The following QRSL1 variants were observed in gnomAD, a reference collection of about 807,000 sequenced individuals.
QRSL1 encodes glutaminyl-tRNA amidotransferase subunit QRSL1, also known as glutamyl-tRNA(Gln) amidotransferase subunit A, mitochondrial.
QRSL1 carries 54 observed loss-of-function variants against 61.6 expected under a neutral mutation model. The observed-to-expected ratio is 0.88, with a 90% CI of 0.70 to 1.10. The LOEUF is 1.10. QRSL1 is among the 50% of genes least tolerant of loss of function. The probability of loss-of-function intolerance (pLI) is 0.00; values close to 1 mark genes in which losing one functional copy is unlikely to be tolerated. For synonymous variants in QRSL1, 228 were observed against 225.7 expected, an observed-to-expected ratio of 1.01 and a Z score of -0.09; for missense variants, 505 against 622.6, an observed-to-expected ratio of 0.81 and a Z score of 2.01.
intron 5 of QRSL1, among the ~76,000 whole-genome samples, chr6:106,651,627 G>T (rs758572294): frequency 2.0e-5 from 3 of 152,208 alleles, no homozygotes; most frequent in African/African-American, 7.2e-5. Context: ...TAGAAACAAC[G>T]TAAGAGTTTA....
At chr6:106,650,028 A>G (rs1291258238) in intron 5 of QRSL1, among the ~76,000 whole-genome samples, 1 of 152,154 alleles carries the variant, frequency 6.6e-6, no homozygotes, top group Admixed American at 6.5e-5. Context: ...TGAGTTCTAC[A>G]GATTTTTTTT....
Position 106,629,720 on chromosome 6 carries a change from C to A in QRSL1, c.24+15C>A, listed in dbSNP as rs1035115815. The A allele has an allele frequency of 1.2e-6, 2 of 1,600,712 alleles. No individual in the cohort carries two copies. Among genetic ancestry groups the A allele is most frequent in the Admixed American group, 1.7e-5 (1 of 58,062 alleles). ...GCCTCCGAGAAGTGAGTGGAATTGG[C>A]CCGCTGAGGCCCCCGGGAGGGCGGA... On this transcript the variant is annotated intron_variant, in intron 1 of 10. Coordinates refer to ENST00000369046, the MANE Select transcript of QRSL1 (RefSeq NM_018292.5).
intron 7 of QRSL1, chr6:106,653,848 C>G (rs1174265787): frequency 6.7e-6 from 1 of 149,664 alleles, no homozygotes; most frequent in East Asian, 2.0e-4. Context: ...AAAAAGAAGG[C>G]AATATCTGTG....
intron 1 of QRSL1, among the ~76,000 whole-genome samples, chr6:106,632,780 TC>T (rs1312149101): frequency 1.6e-4 from 24 of 152,376 alleles, no homozygotes; most frequent in African/African-American, 5.8e-4. Context: ...TCTATTCCAA[TC>T]TTTTGCCCAT....
At chr6:106,661,317 A>G (rs1056999722) in intron 9 of QRSL1, among the ~76,000 whole-genome samples, 1 of 151,966 alleles carries the variant, frequency 6.6e-6, no homozygotes, top group Non-Finnish European at 1.5e-5. Flanking sequence ...GGATTTCACC[A>G]TGTTGGTCAA....
chr6:106,637,173 GC>G (rs2114699701), intron 1 of QRSL1, among the ~76,000 whole-genome samples: 1 of 152,334 alleles, frequency 6.6e-6, no homozygotes, highest in African/African-American at 2.4e-5. Flanking sequence ...TTTTCTGCTG[GC>G]TGTGTGGATA....
chr6:106,655,684 A>T lies in QRSL1; in HGVS notation c.1112A>T (p.Asp371Val). The T allele has an allele frequency of 6.2e-7, 1 of 1,613,364 alleles. No individual in the cohort carries two copies. Among genetic ancestry groups the T allele is most frequent in the Non-Finnish European group, 8.5e-7 (1 of 1,179,562 alleles). Residue 371 changes from aspartate to valine, a missense_variant, in exon 9 of 11, where the codon GAT becomes GTT. Transcript: ENST00000369046. The part of the protein sequence containing the change: ...YAATRREGFN[D>V]VVRGRILSGN... The stretch of plus-strand genomic sequence containing the variant: ...GCAACCAGACGAGAAGGGTTTAATG[A>T]TGTGGTGAGAGGAAGAATTCTCTCA...
At chr6:106,634,819 G>A (rs1380487919) in intron 1 of QRSL1, among the ~76,000 whole-genome samples, 1 of 152,028 alleles carries the variant, frequency 6.6e-6, no homozygotes, top group Non-Finnish European at 1.5e-5. Flanking sequence ...TTGCATTGGC[G>A]AGATAATGGG....
intron 1 of QRSL1, 99 bp downstream of exon 1, chr6:106,629,804 C>T (rs1776776628): frequency 2.1e-6 from 3 of 1,419,756 alleles, no homozygotes; most frequent in South Asian, 2.5e-5. Flanking sequence ...TCTTGGCCCA[C>T]CTCGCTGCTT....
intron 1 of QRSL1, among the ~76,000 whole-genome samples, chr6:106,632,785 T>TAAAA (rs1401817408): frequency 9.2e-5 from 14 of 152,230 alleles, no homozygotes; most frequent in Non-Finnish European, 2.1e-4. Flanking sequence ...TCCAATCTTT[T>TAAAA]GCCCATTTTT....
At chr6:106,654,398 A>T (rs1353952362) in intron 7 of QRSL1, among the ~76,000 whole-genome samples, 1 of 152,162 alleles carries the variant, frequency 6.6e-6, no homozygotes, top group Non-Finnish European at 1.5e-5. Flanking sequence ...ATACATGAGC[A>T]TTTAACATAT....
At chr6:106,647,573 G>A (rs13200088) in intron 4 of QRSL1, among the ~76,000 whole-genome samples, 7,981 of 115,742 alleles carry the variant, frequency 0.069, 422 homozygotes, top group Non-Finnish European at 0.099. Context: ...AAAAAAAAAA[G>A]AGAGAGACAA....
rs572306794 is a variant in QRSL1 at position 106,661,686 on chromosome 6, CTTTTTTTTTTTTTTT to C, written c.1161-1273_1161-1259del. 3.1e-4 allele frequency among the ~76,000 whole-genome samples: 17 copies of C among 55,098 alleles called. No homozygotes were observed. In the South Asian group the frequency reaches 5.7e-3, roughly 19 times the overall value. The allele number at this position is 55,098 out of a possible 152,430, so 36.1% of individuals were successfully genotyped here. A position where few individuals can be genotyped will look rare whatever the true frequency, so the allele number is the denominator to read the frequency against. ...CTGTTGTGGAAAAGAATGGTTAGTTCTTTTTTTTTTTTTTTTTTTTTTTTTTTTTTTTTTTGAGAC... is the reference window on the plus strand; with the variant it reads ...CTGTTGTGGAAAAGAATGGTTAGTTCTTTTTTTTTTTTTTTTTTTTGAGAC... On this transcript the variant is annotated intron_variant, in intron 9 of 10. Transcript: ENST00000369046.
chr6:106,640,404 G>C lies in QRSL1; in HGVS notation c.80G>C (p.Cys27Ser), dbSNP rs1562165684. 1.9e-6 allele frequency: 3 copies of C among 1,612,634 alleles called. No homozygotes were observed. The highest frequency in any genetic ancestry group is 2.7e-5 in the African/African-American group (2 of 74,762). ...QITPTELCQK[C>S]LSLIKKTKFL... ...ACACCAACAGAGCTCTGTCAAAAATGTCTCTCTCTTATCAAGAAGACCAAG... is the reference window on the plus strand; with the variant it reads ...ACACCAACAGAGCTCTGTCAAAAATCTCTCTCTCTTATCAAGAAGACCAAG... The change falls in exon 2 of 11, where the codon TGT (cysteine) becomes TCT (serine). Residue 27 changes from cysteine (C) to serine (S), a missense_variant. Physicochemically the swap from Cys to Ser is moderately radical, Grantham distance 112 (BLOSUM62 -1). Coordinates refer to ENST00000369046, the MANE Select transcript of QRSL1 (RefSeq NM_018292.5).
chr6:106,642,200 C>A (rs955383421), intron 3 of QRSL1, among the ~76,000 whole-genome samples: 4 of 152,150 alleles, frequency 2.6e-5, no homozygotes, highest in African/African-American at 9.7e-5. Context: ...AAATTACAGG[C>A]ATGCACCACC....
intron 4 of QRSL1, 21 bp from the exon 5 acceptor site, chr6:106,649,004 C>A: frequency 6.3e-7 from 1 of 1,587,026 alleles, no homozygotes; most frequent in Non-Finnish European, 8.6e-7. Context: ...ACTAAGGTAT[C>A]TTGCTTCACT....
intron 4 of QRSL1, among the ~76,000 whole-genome samples, chr6:106,647,535 G>A (rs1264475848): frequency 8.1e-6 from 1 of 123,590 alleles, no homozygotes; most frequent in East Asian, 2.1e-4. Context: ...CTCCAGCCTG[G>A]GCAATAGAGC....
chr6:106,658,840 G>A (rs1331744520), intron 9 of QRSL1, among the ~76,000 whole-genome samples: 1 of 152,036 alleles, frequency 6.6e-6, no homozygotes, highest in African/African-American at 2.4e-5. Flanking sequence ...ATCAAATTTG[G>A]AACATTTTGG....
At chr6:106,652,804 A>G in intron 7 of QRSL1, 3 of 1,424,788 alleles carry the variant, frequency 2.1e-6, no homozygotes, top group East Asian at 5.0e-5. Context: ...TCAATTAGAC[A>G]GTCATGTTAA....
Sources: allele counts gnomAD v4.1 joint callset (sites outside exome capture counted in the v4.1 genomes callset), GRCh38; gene constraint gnomAD v4.1.1; transcripts MANE v1.5; gene names NCBI Gene and HGNC (gene_info 2026-07-23, HGNC 2026-07-21).